Variants in MYH10 observed in about 807,000 individuals in gnomAD.
MYH10 encodes the protein myosin heavy chain 10, also known as myosin-10.
MYH10 carries 55 observed loss-of-function variants against 257.8 expected under a neutral mutation model. That is an observed-to-expected ratio of 0.21 (90% CI 0.17 to 0.27). The LOEUF is 0.27. Ranked by LOEUF, MYH10 falls within the 10% of genes least tolerant of loss-of-function variation. MYH10 has a pLI of 1.00. For missense variants in MYH10, 1,631 were observed against 2,500.6 expected (o/e 0.65, Z 7.42); for synonymous variants, 854 against 921.7 (o/e 0.93, Z 1.33).
At chr17:8,561,861 G>A (rs984458496) in intron 7 of MYH10, among the ~76,000 whole-genome samples, 14 of 151,984 alleles carry the variant, frequency 9.2e-5, no homozygotes, top group South Asian at 6.2e-4. Flanking sequence ...AATATCTTTC[G>A]GCTAGATGCA....
chr17:8,571,213 C>T (rs1348426935), intron 6 of MYH10, among the ~76,000 whole-genome samples: 1 of 138,530 alleles, frequency 7.2e-6, no homozygotes, highest in Non-Finnish European at 1.5e-5. Context: ...CTCACTCTGT[C>T]GCCCAGGCTG....
At chr17:8,529,259 A>T (rs2081948363) in intron 17 of MYH10, among the ~76,000 whole-genome samples, 1 of 152,218 alleles carries the variant, frequency 6.6e-6, no homozygotes, top group African/African-American at 2.4e-5. Context: ...TCAGCGACTT[A>T]GTGATGTTTT....
rs757609965 is a variant in MYH10 at position 8,504,655 on chromosome 17, C to T, written c.3599+39G>A. 1.5e-5 allele frequency: 23 copies of T among 1,579,168 alleles called. No individual in the cohort carries two copies. The highest frequency in any genetic ancestry group is 3.4e-5 in the Admixed American group (2 of 59,126). On this transcript the variant is annotated intron_variant, in intron 28 of 42. Coordinates refer to ENST00000360416, the MANE Select transcript of MYH10 (RefSeq NM_001256012.3). This position sits in a 1 kb window ranked among gnomAD's most constrained non-coding sequence, Gnocchi z 5.6. ...TTCTGCACGGGCTCGGTGGAGAGGT[C>T]GGCAGGCGCCCGGGCCCTGCTTCCT...
chr17:8,564,722 G>A (rs1430941870), intron 7 of MYH10, among the ~76,000 whole-genome samples: 1 of 152,124 alleles, frequency 6.6e-6, no homozygotes, highest in African/African-American at 2.4e-5. Context: ...AAATATACCT[G>A]TGGGGCACTA....
chr17:8,484,119 G>GAAT lies in MYH10; in HGVS notation c.5175+18_5175+19insATT, dbSNP rs1914348286. The GAAT allele has an allele frequency of 2.1e-6, 3 of 1,423,782 alleles. No individual in the cohort carries two copies. The highest frequency in any genetic ancestry group is 2.5e-5 in the African/African-American group (1 of 39,486). 88.2% of individuals were successfully genotyped at this position (1,423,782 alleles called of 1,614,324 possible). ...GGGCAAATATATTTGTTGAACAAATGGATAAGTAACAAACCAACCTCCTGC... is the reference window on the plus strand; with the variant it reads ...GGGCAAATATATTTGTTGAACAAATGAATGATAAGTAACAAACCAACCTCCTGC... On this transcript the variant is annotated intron_variant, in intron 37 of 42. Transcript: ENST00000360416.
At chr17:8,623,722 T>A (rs1188536420) in intron 1 of MYH10, among the ~76,000 whole-genome samples, 1 of 151,454 alleles carries the variant, frequency 6.6e-6, no homozygotes, top group Admixed American at 6.6e-5. Flanking sequence ...GTCAGAAGAG[T>A]AAAGAATCTA....
intron 17 of MYH10, among the ~76,000 whole-genome samples, chr17:8,527,181 G>A (rs1396613532): frequency 6.6e-6 from 1 of 152,178 alleles, no homozygotes; most frequent in Non-Finnish European, 1.5e-5. Context: ...GTAATAACAA[G>A]TTTACAGTGG....
At chr17:8,586,787 C>T (rs946817803) in intron 4 of MYH10, among the ~76,000 whole-genome samples, 2 of 152,190 alleles carry the variant, frequency 1.3e-5, no homozygotes, top group African/African-American at 2.4e-5. Flanking sequence ...CATTCCCTCC[C>T]TAAGTGCTTC....
intron 35 of MYH10, among the ~76,000 whole-genome samples, chr17:8,489,345 C>T (rs1915374532): frequency 6.6e-6 from 1 of 152,186 alleles, no homozygotes; most frequent in African/African-American, 2.4e-5. Context: ...GGGGTAATTT[C>T]TTATCCAGCA....
intron 2 of MYH10, among the ~76,000 whole-genome samples, chr17:8,610,946 A>T (rs2085015317): frequency 6.6e-6 from 1 of 152,256 alleles, no homozygotes; most frequent in Non-Finnish European, 1.5e-5. Flanking sequence ...TATGAGACAA[A>T]AGGAAAATAA....
At chr17:8,628,456 C>A (rs966820079) in intron 1 of MYH10, among the ~76,000 whole-genome samples, 54 of 152,132 alleles carry the variant, frequency 3.5e-4, no homozygotes, top group African/African-American at 1.2e-3. Context: ...ATTTTATGAA[C>A]GGCCTGCACA....
At position 8,525,735 on chromosome 17, in the gene MYH10, C is replaced by T. The variant is rs148657921; in HGVS notation, c.1958-4450G>A. On this transcript the variant is annotated intron_variant, in intron 17 of 42. Coordinates refer to ENST00000360416, the MANE Select transcript of MYH10 (RefSeq NM_001256012.3). ...CTGATTTTCAAATTTAATTTTAATA[C>T]GGACAATCCAAAGCTAAATATTCAG... Among the ~76,000 whole-genome samples the T allele has an allele frequency of 5.3e-3, 808 of 152,154 alleles. 6 individuals carry two copies. Among genetic ancestry groups the T allele is most frequent in the African/African-American group, 0.018 (748 of 41,504 alleles).
intron 28 of MYH10, among the ~76,000 whole-genome samples, chr17:8,501,290 A>G (rs1209228646): frequency 6.7e-6 from 1 of 148,564 alleles, no homozygotes; most frequent in African/African-American, 2.4e-5. Context: ...CCCTATCTTT[A>G]AAAAAAAACC....
intron 17 of MYH10, among the ~76,000 whole-genome samples, chr17:8,526,758 G>A (rs569246767): frequency 4.6e-4 from 70 of 152,246 alleles, no homozygotes; most frequent in Non-Finnish European, 9.6e-4. Flanking sequence ...TCTAGGAGAC[G>A]GGGCCATAAG....
At chr17:8,498,230 C>T (rs918054479) in intron 30 of MYH10, among the ~76,000 whole-genome samples, 3 of 151,914 alleles carry the variant, frequency 2.0e-5, no homozygotes, top group African/African-American at 7.3e-5. Flanking sequence ...AGGTGATCCG[C>T]CCACCTCAGC....
chr17:8,552,045 C>T lies in MYH10; in HGVS notation c.919+1G>A. 1 of 1,469,170 alleles carries T rather than the reference C, an allele frequency of 6.8e-7. No individual in the cohort carries two copies. Among genetic ancestry groups the T allele is most frequent in the Middle Eastern group, 1.8e-4 (1 of 5,588 alleles). 91.0% of individuals were successfully genotyped at this position (1,469,170 alleles called of 1,614,324 possible). A position where few individuals can be genotyped will look rare whatever the true frequency, so the allele number is the denominator to read the frequency against. ...AAATAGTAAAAACCTTTGTAACTTA[C>T]ACTTTAGGTGTTCTCCTGCTCCAGA... On this transcript the variant is annotated splice_donor_variant, in intron 9 of 42. Transcript: ENST00000360416. LOFTEE classifies it high-confidence loss of function. This position sits in a 1 kb window ranked among gnomAD's most constrained non-coding sequence, Gnocchi z 4.8.
chr17:8,531,046 C>T (rs552448740), intron 16 of MYH10, among the ~76,000 whole-genome samples: 9 of 152,098 alleles, frequency 5.9e-5, no homozygotes, highest in South Asian at 2.1e-4. Flanking sequence ...TAGGGCATGA[C>T]TGCAGTGAAG....
At chr17:8,546,935 T>C (rs1316102995) in intron 11 of MYH10, among the ~76,000 whole-genome samples, 2 of 152,182 alleles carry the variant, frequency 1.3e-5, no homozygotes, top group Non-Finnish European at 2.9e-5. Flanking sequence ...TCTCACTATG[T>C]TGGCCAGGAT....
chr17:8,511,341 G>A (rs1461575430), intron 24 of MYH10, among the ~76,000 whole-genome samples: 4 of 152,100 alleles, frequency 2.6e-5, no homozygotes, highest in African/African-American at 9.7e-5. Flanking sequence ...CCAACGTGGT[G>A]AAACCTCGTC....
Sources: gnomAD v4.1 joint callset for allele counts (sites outside exome capture counted in the v4.1 genomes callset) on GRCh38, gnomAD v4.1.1 for gene constraint, Gnocchi (gnomAD v3.1) non-coding constraint, MANE v1.5 for transcripts, NCBI Gene and HGNC (gene_info 2026-07-23, HGNC 2026-07-21) for gene names.